The following RUNX3 variants were observed in gnomAD, a reference collection of about 807,000 sequenced individuals.
RUNX3 encodes RUNX family transcription factor 3, also known as runt-related transcription factor 3.
Under a neutral mutation model 27.7 loss-of-function variants are expected in RUNX3, and 10 were observed. The ratio of observed to expected loss-of-function variants is 0.36; its 90% CI spans 0.22 to 0.61. RUNX3 has a LOEUF of 0.61. Ranked by LOEUF, RUNX3 falls within the 20% of genes least tolerant of loss-of-function variation. The probability of loss-of-function intolerance (pLI) is 0.72; values close to 1 mark genes in which losing one functional copy is unlikely to be tolerated. For missense variants in RUNX3, 469 were observed against 629.5 expected (o/e 0.75, Z 2.73); for synonymous variants, 270 against 269.2 (o/e 1.00, Z -0.03).
chr1:24,911,449 C>A (rs956760642), intron 3 of RUNX3, among the ~76,000 whole-genome samples: 12 of 152,180 alleles, frequency 7.9e-5, no homozygotes, highest in African/African-American at 2.4e-4. Context: ...TGGCCTCACT[C>A]AAGTCACACT....
chr1:24,962,361 G>A lies in RUNX3; in HGVS notation c.58+2153C>T, dbSNP rs1008061345. ...CGTTTAAAAACGCAACTCCGAGGAG[G>A]AACCTGAAGGTTCCCTGAGACTGCC... On this transcript the variant is annotated intron_variant, in intron 2 of 6. Coordinates refer to the RUNX3 transcript ENST00000338888. This position sits in a 1 kb window ranked among gnomAD's most constrained non-coding sequence, Gnocchi z 4.5. 3.9e-5 allele frequency: 6 copies of A among 152,244 alleles called. No homozygotes were observed. The highest frequency in any genetic ancestry group is 7.3e-5 in the Non-Finnish European group (5 of 68,042). 9.4% of individuals were successfully genotyped at this position (152,244 alleles called of 1,614,324 possible). A position where few individuals can be genotyped will look rare whatever the true frequency, so the allele number is the denominator to read the frequency against.
intron 3 of RUNX3, among the ~76,000 whole-genome samples, chr1:24,912,840 C>T (rs979127237): frequency 7.3e-5 from 11 of 151,720 alleles, no homozygotes; most frequent in Admixed American, 5.9e-4. Flanking sequence ...AGCCTGGGTT[C>T]GATACATCAA....
intron 2 of RUNX3, among the ~76,000 whole-genome samples, chr1:24,957,299 ACT>A (rs1477098556): frequency 6.6e-6 from 1 of 151,254 alleles, no homozygotes; most frequent in Admixed American, 6.6e-5. Flanking sequence ...AAGCTGGAAA[ACT>A]CTCAGGCTGA....
intron 2 of RUNX3, among the ~76,000 whole-genome samples, chr1:24,937,074 A>G (rs1465254110): frequency 1.3e-5 from 2 of 152,372 alleles, no homozygotes; most frequent in South Asian, 2.1e-4. Flanking sequence ...GTCCACTGAC[A>G]GTGGCAGGGC....
chr1:24,931,214 T>C (rs564871920), upstream of RUNX3, among the ~76,000 whole-genome samples: 1 of 152,370 alleles, frequency 6.6e-6, no homozygotes, highest in South Asian at 2.1e-4. Flanking sequence ...TCTTTCTCCA[T>C]GCGGGTGGAA....
chr1:24,931,424 G>C (rs7520923), upstream of RUNX3, among the ~76,000 whole-genome samples: 8,155 of 152,204 alleles, frequency 0.054, 228 homozygotes, highest in African/African-American at 0.074. Flanking sequence ...TAAGTCTGTC[G>C]AGCAGACCTA....
intron 2 of RUNX3, among the ~76,000 whole-genome samples, chr1:24,950,534 G>A (rs918196848): frequency 7.2e-5 from 11 of 152,258 alleles, no homozygotes; most frequent in African/African-American, 2.7e-4. Context: ...CAACTGCTGA[G>A]CGTTAAATTC....
intron 4 of RUNX3, among the ~76,000 whole-genome samples, chr1:24,903,217 C>T (rs1407136003): frequency 6.6e-6 from 1 of 152,222 alleles, no homozygotes; most frequent in Non-Finnish European, 1.5e-5. Context: ...TGGTTCTCAT[C>T]ACAAGGCCTC....
chr1:24,950,909 G>A lies in RUNX3; in HGVS notation c.58+13605C>T, dbSNP rs557045726. On this transcript the variant is annotated intron_variant, in intron 2 of 6. Transcript: ENST00000338888. Reference sequence around the variant, plus strand: ...CTGCCAAAGTGCTTGATGTGCTGCCGTAAGAAGGGCAGCATAGGCCGGGCG... The same window carrying A: ...CTGCCAAAGTGCTTGATGTGCTGCCATAAGAAGGGCAGCATAGGCCGGGCG... Among the ~76,000 whole-genome samples the A allele has an allele frequency of 7.1e-4, 108 of 152,162 alleles. No homozygotes were observed. In the Middle Eastern group the frequency reaches 0.017, roughly 24 times the overall value.
chr1:24,922,539 GC>G (rs1641019304), intron 2 of RUNX3, among the ~76,000 whole-genome samples: 3 of 152,054 alleles, frequency 2.0e-5, no homozygotes, highest in Non-Finnish European at 2.9e-5. Flanking sequence ...GCTGCAGATT[GC>G]TCTAAATATC....
At chr1:24,905,490 G>A (rs929664247) in intron 4 of RUNX3, among the ~76,000 whole-genome samples, 1 of 152,206 alleles carries the variant, frequency 6.6e-6, no homozygotes, top group Non-Finnish European at 1.5e-5. Context: ...GGCTAGCGAG[G>A]GACTGGGCCA....
At chr1:24,955,244 G>T (rs922827423) in intron 2 of RUNX3, among the ~76,000 whole-genome samples, 7 of 152,110 alleles carry the variant, frequency 4.6e-5, no homozygotes, top group African/African-American at 1.7e-4. Flanking sequence ...GAATCACCTC[G>T]CTTAGAGGTA....
intron 2 of RUNX3, among the ~76,000 whole-genome samples, chr1:24,919,883 G>GT (rs577677713): frequency 0.04 from 5,881 of 146,666 alleles, 178 homozygotes; most frequent in Middle Eastern, 0.064. Flanking sequence ...TTTTCATACT[G>GT]TTTTTTTTTT....
At chr1:24,947,427 G>A (rs557426652) in intron 2 of RUNX3, among the ~76,000 whole-genome samples, 8 of 152,302 alleles carry the variant, frequency 5.3e-5, no homozygotes, top group African/African-American at 9.6e-5. Context: ...GGCCTGTGGC[G>A]GCTCTGAGCA....
rs1036158540 is a variant in RUNX3, at chr1:24,899,741, T to A, written c.*2381A>T. The A allele has an allele frequency of 4.6e-5, 7 of 152,650 alleles. No homozygotes were observed. Among genetic ancestry groups the A allele is most frequent in the African/African-American group, 1.7e-4 (7 of 41,454 alleles). The allele number at this position is 152,650 out of a possible 1,614,324, so 9.5% of individuals were successfully genotyped here. Reference sequence around the variant, plus strand: ...GGTGTCACACCTCAGCATGACAATATGTCACAAAAGATTGGTACCCACTAC... The same window carrying A: ...GGTGTCACACCTCAGCATGACAATAAGTCACAAAAGATTGGTACCCACTAC... On this transcript the variant is annotated 3_prime_UTR_variant, in exon 5 of 5. Transcript: ENST00000308873.
intron 2 of RUNX3, among the ~76,000 whole-genome samples, chr1:24,951,409 T>G (rs1363709835): frequency 6.6e-6 from 1 of 152,080 alleles, no homozygotes; most frequent in Non-Finnish European, 1.5e-5. Context: ...ACACCTCAAG[T>G]ACCTTCTGCA....
upstream of RUNX3, among the ~76,000 whole-genome samples, chr1:24,931,768 A>C (rs1433236396): frequency 6.6e-6 from 1 of 152,100 alleles, no homozygotes; most frequent in Non-Finnish European, 1.5e-5. Context: ...ACTCACCCCG[A>C]CCACCGGGAG....
chr1:24,937,356 C>T (rs1349279894), intron 2 of RUNX3, among the ~76,000 whole-genome samples: 2 of 152,220 alleles, frequency 1.3e-5, no homozygotes, highest in African/African-American at 4.8e-5. Context: ...CTGGGCCCCC[C>T]AAATTATATA....
chr1:24,941,236 A>G (rs1334427713), intron 2 of RUNX3, among the ~76,000 whole-genome samples: 5 of 152,058 alleles, frequency 3.3e-5, no homozygotes, highest in Non-Finnish European at 7.4e-5. Context: ...AGCACTCCTC[A>G]TGGCCGACCA....
Sources: gnomAD v4.1 joint callset for allele counts (sites outside exome capture counted in the v4.1 genomes callset) on GRCh38, gnomAD v4.1.1 for gene constraint, Gnocchi (gnomAD v3.1) non-coding constraint, MANE v1.5 for transcripts, NCBI Gene and HGNC (gene_info 2026-07-23, HGNC 2026-07-21) for gene names.